MAPKBP1: variants seen among roughly 807,000 people sequenced by gnomAD.
MAPKBP1 encodes the protein mitogen-activated protein kinase-binding protein 1.
In MAPKBP1, 71 loss-of-function variants were observed where a neutral mutation model predicts 170.5. That is an observed-to-expected ratio of 0.42 (90% confidence interval 0.34 to 0.51). The LOEUF (loss-of-function observed/expected upper bound fraction) is 0.51. MAPKBP1 is among the 20% of genes least tolerant of loss of function. MAPKBP1 has a pLI of 0.06. For synonymous variants in MAPKBP1, 719 were observed against 757.9 expected, an observed-to-expected ratio of 0.95 and a Z score of 0.84; for missense variants, 1,598 against 1,933.0, an observed-to-expected ratio of 0.83 and a Z score of 3.25.
chr15:41,821,104 C>G lies in MAPKBP1; in HGVS notation c.2718+36C>G, dbSNP rs376577499. On this transcript the variant is annotated intron_variant, in intron 23 of 30. Coordinates refer to ENST00000457542, the MANE Select transcript of MAPKBP1 (RefSeq NM_014994.3). ...TTTCTCCCAGCTCTCTAGAGAGTTCCAAGGGGCCTTAGGCAGCCTTTGCCA... is the reference window on the plus strand; with the variant it reads ...TTTCTCCCAGCTCTCTAGAGAGTTCGAAGGGGCCTTAGGCAGCCTTTGCCA... 2.5e-6 allele frequency: 4 copies of G among 1,599,180 alleles called. No individual in the cohort carries two copies. The African/African-American group carries it at 5.4e-5, about 21-fold the overall frequency.
intron 2 of MAPKBP1, among the ~76,000 whole-genome samples, chr15:41,784,730 C>T (rs1463783210): frequency 8.5e-5 from 12 of 141,290 alleles, no homozygotes; most frequent in East Asian, 4.2e-4. Context: ...TGCAGTGAGC[C>T]GAGATGGCGC....
At chr15:41,821,226 T>G in intron 23 of MAPKBP1, 158 bp downstream of exon 23, 1 of 737,108 alleles carries the variant, frequency 1.4e-6, no homozygotes, top group Non-Finnish European at 2.2e-6. Flanking sequence ...GTGGCTGGGC[T>G]GTATGGTTTG....
intron 3 of MAPKBP1, among the ~76,000 whole-genome samples, chr15:41,801,468 A>G (rs2064592408): frequency 6.6e-6 from 1 of 152,146 alleles, no homozygotes; most frequent in South Asian, 2.1e-4. Flanking sequence ...TGCCTAGTTC[A>G]TTCCCCAATG....
rs1032004216 is a variant in MAPKBP1 at position 41,824,589 on chromosome 15, C to T, written c.4299+20C>T. 1.7e-5 allele frequency: 26 copies of T among 1,575,550 alleles called. No homozygotes were observed. Among genetic ancestry groups the T allele is most frequent in the South Asian group, 4.6e-5 (4 of 86,828 alleles). ...CACTCGGTGGGTGTTAGGTGCCCCC[C>T]GGCAGGAAGGCGGGCACGTCAGTAG... is the stretch of plus-strand genomic sequence containing the variant. On this transcript the variant is annotated intron_variant, in intron 30 of 30. Transcript: ENST00000457542.
chr15:41,818,074 C>T lies in MAPKBP1; in HGVS notation c.1970C>T (p.Thr657Ile), dbSNP rs139165608. The T allele has an allele frequency of 2.3e-4, 377 of 1,614,058 alleles. No homozygotes were observed. The African/African-American group carries it at 4.3e-3, about 18-fold the overall frequency. ...AAAGGGTCACAGGGTGAGGACGGCA[C>T]ACTCATTAAGGTAAGGACCCAGAGG... ...LFKGSQGEDG[T>I]LIKVQTDPSG... The change falls in exon 17 of 31, where the codon ACA (threonine) becomes ATA (isoleucine). Residue 657 changes from threonine (T) to isoleucine (I), a missense_variant. Physicochemically the swap from Thr to Ile is moderately conservative, Grantham distance 89. This residue lies in a region of MAPKBP1 where 430 missense variants were observed against 617.2 expected (regional missense o/e 0.70). Coordinates refer to ENST00000457542, the MANE Select transcript of MAPKBP1 (RefSeq NM_014994.3). The surrounding 1 kb of genome is among the most constrained non-coding windows in gnomAD (Gnocchi z 5.2).
intron 2 of MAPKBP1, 27 bp from the exon 3 acceptor site, chr15:41,799,796 C>G (rs1293338758): frequency 3.8e-6 from 6 of 1,583,830 alleles, no homozygotes; most frequent in African/African-American, 1.3e-5. Flanking sequence ...CTGTCTGTAA[C>G]ATGTCACTTC....
At chr15:41,793,755 T>C (rs1039472276) in intron 2 of MAPKBP1, among the ~76,000 whole-genome samples, 4 of 152,168 alleles carry the variant, frequency 2.6e-5, no homozygotes, top group Non-Finnish European at 4.4e-5. Flanking sequence ...GTTTATTTCT[T>C]GCTCATGCTA....
chr15:41,788,703 T>C (rs763872749), intron 2 of MAPKBP1, among the ~76,000 whole-genome samples: 3 of 152,282 alleles, frequency 2.0e-5, no homozygotes, highest in African/African-American at 7.2e-5. Flanking sequence ...ATGATTCAAA[T>C]AGGTGAGTAG....
chr15:41,823,430 C>G lies in MAPKBP1; in HGVS notation c.3599-17C>G. On this transcript the variant is annotated splice_polypyrimidine_tract_variant and intron_variant, in intron 28 of 30. Transcript: ENST00000457542. ...TCCTCAACACCTGACCTGTGTATAC[C>G]TCTGTCTCCTTTGCAGAAAGACATG... 6.2e-7 allele frequency: 1 copy of G among 1,603,714 alleles called. No individual in the cohort carries two copies. The highest frequency in any genetic ancestry group is 8.5e-7 in the Non-Finnish European group (1 of 1,173,992).
chr15:41,812,615 A>G lies in MAPKBP1; in HGVS notation c.598A>G (p.Ile200Val). Residue 200 changes from isoleucine to valine, a missense_variant, in exon 7 of 31, where the codon ATC becomes GTC. This residue lies in a region of MAPKBP1 where 430 missense variants were observed against 617.2 expected (regional missense o/e 0.70). Coordinates refer to ENST00000457542, the MANE Select transcript of MAPKBP1 (RefSeq NM_014994.3). ...CTTTGTCACTGCAGGCAACCGACAC[A>G]TCAAATTCTGGTATCTCGATGACAG... ...SYFVTAGNRH[I>V]KFWYLDDSKT... The G allele has an allele frequency of 6.2e-7, 1 of 1,613,278 alleles. No individual in the cohort carries two copies. The highest frequency in any genetic ancestry group is 1.1e-5 in the South Asian group (1 of 90,974).
chr15:41,774,858 C>A, intron 1 of MAPKBP1: 1 of 416,584 alleles, frequency 2.4e-6, no homozygotes, highest in Non-Finnish European at 4.2e-6. Flanking sequence ...CTCCCTTGGA[C>A]ACTACAGTTG....
intron 3 of MAPKBP1, among the ~76,000 whole-genome samples, chr15:41,800,406 C>T (rs901385215): frequency 3.3e-5 from 5 of 150,612 alleles, no homozygotes; most frequent in Admixed American, 1.3e-4. Flanking sequence ...TGCAGTGGCT[C>T]GATGTTGGCT....
chr15:41,811,032 TGGGA>T (rs2064795704), intron 4 of MAPKBP1, 87 bp downstream of exon 4: 4 of 1,568,346 alleles, frequency 2.6e-6, no homozygotes, highest in Non-Finnish European at 3.5e-6. Context: ...CTCTGGGGGC[TGGGA>T]CCTGGTTGGG....
At chr15:41,800,668 C>T (rs1448142650) in intron 3 of MAPKBP1, among the ~76,000 whole-genome samples, 6 of 151,172 alleles carry the variant, frequency 4.0e-5, no homozygotes, top group Admixed American at 4.0e-4. Context: ...TTCCCACCCC[C>T]ACCTTACCAG....
intron 2 of MAPKBP1, among the ~76,000 whole-genome samples, chr15:41,783,053 G>A (rs564934434): frequency 1.3e-5 from 2 of 152,316 alleles, no homozygotes; most frequent in South Asian, 4.2e-4. Context: ...GCAGCTGTGT[G>A]GTTCCAGATG....
chr15:41,785,599 T>G (rs1223644654), intron 2 of MAPKBP1, among the ~76,000 whole-genome samples: 1 of 152,220 alleles, frequency 6.6e-6, no homozygotes, highest in East Asian at 1.9e-4. Context: ...GAGAAATGAA[T>G]TAGCCTTTTG....
chr15:41,824,121 G>A lies in MAPKBP1; in HGVS notation c.4213+60G>A, dbSNP rs952727192. The stretch of plus-strand genomic sequence containing the variant: ...CATCCTTACTCTCCCCTCTCTGTTG[G>A]CCGCTGTCTGGCTCCATCCCATTTC... On this transcript the variant is annotated intron_variant, in intron 29 of 30. Coordinates refer to ENST00000457542, the MANE Select transcript of MAPKBP1 (RefSeq NM_014994.3). The A allele has an allele frequency of 2.6e-6, 4 of 1,530,608 alleles. No homozygotes were observed. In the Admixed American group the frequency reaches 7.7e-5, roughly 30 times the overall value. 94.8% of individuals were successfully genotyped at this position (1,530,608 alleles called of 1,614,324 possible).
At chr15:41,784,426 A>G (rs1215099147) in intron 2 of MAPKBP1, among the ~76,000 whole-genome samples, 1 of 152,046 alleles carries the variant, frequency 6.6e-6, no homozygotes, top group East Asian at 1.9e-4. Context: ...GGATCACTTG[A>G]GGCCAGGAGT....
chr15:41,822,196 C>T (rs753921713), intron 25 of MAPKBP1, 29 bp from the exon 26 acceptor site: 31 of 1,605,646 alleles, frequency 1.9e-5, no homozygotes, highest in East Asian at 2.2e-5. Context: ...GGGTGCAGTG[C>T]GATGCCTCTC....
Sources: allele counts gnomAD v4.1 joint callset (sites outside exome capture counted in the v4.1 genomes callset), GRCh38; gene constraint gnomAD v4.1.1; regional missense constraint gnomAD v4.1.1; non-coding constraint Gnocchi (gnomAD v3.1); transcripts MANE v1.5; gene names NCBI Gene and HGNC (gene_info 2026-07-23, HGNC 2026-07-21).